Variants in ZNF804B observed in about 807,000 individuals in gnomAD.
ZNF804B encodes the protein zinc finger 804B.
In ZNF804B, 80 loss-of-function variants were observed where a neutral mutation model predicts 101.4. The observed-to-expected ratio is 0.79, with a 90% CI of 0.66 to 0.95. The LOEUF (loss-of-function observed/expected upper bound fraction) is 0.95, where lower values mean the gene tolerates loss of function less well. ZNF804B is among the 40% of genes least tolerant of loss of function. The pLI, the probability that ZNF804B is intolerant of heterozygous loss-of-function variation, is 0.00. For missense variants in ZNF804B, 1,673 were observed against 1,561.9 expected, an observed-to-expected ratio of 1.07 and a Z score of -1.20; for synonymous variants, 622 against 558.8, an observed-to-expected ratio of 1.11 and a Z score of -1.59.
intron 1 of ZNF804B, among the ~76,000 whole-genome samples, chr7:89,133,744 C>T (rs543564279): frequency 2.0e-5 from 3 of 152,036 alleles, no homozygotes; most frequent in Non-Finnish European, 2.9e-5. Context: ...TAATGCACTT[C>T]GGTAATATAA....
chr7:89,207,233 G>A (rs1788727481), intron 1 of ZNF804B, among the ~76,000 whole-genome samples: 1 of 152,140 alleles, frequency 6.6e-6, no homozygotes, highest in African/African-American at 2.4e-5. Context: ...CTATCATGCT[G>A]CTAATAAAGA....
At chr7:88,993,753 G>T (rs1205927880) in intron 1 of ZNF804B, among the ~76,000 whole-genome samples, 1 of 151,874 alleles carries the variant, frequency 6.6e-6, no homozygotes, top group African/African-American at 2.4e-5. Flanking sequence ...TTTGAGAAAA[G>T]CAATGATATT....
chr7:88,852,897 C>G (rs1254537664), intron 1 of ZNF804B, among the ~76,000 whole-genome samples: 2 of 152,094 alleles, frequency 1.3e-5, no homozygotes, highest in African/African-American at 4.8e-5. Flanking sequence ...AAAAACTGCT[C>G]TCTTTTCTTG....
intron 2 of ZNF804B, among the ~76,000 whole-genome samples, chr7:89,233,014 C>T (rs893643198): frequency 7.9e-5 from 12 of 152,218 alleles, no homozygotes; most frequent in Middle Eastern, 3.4e-3. Flanking sequence ...CTCCGCCTCC[C>T]GGGTTCACGC....
At chr7:89,219,866 G>GTA (rs1227951674) in intron 2 of ZNF804B, among the ~76,000 whole-genome samples, 1 of 115,602 alleles carries the variant, frequency 8.7e-6, no homozygotes, top group African/African-American at 3.2e-5. Flanking sequence ...ATATATGTGT[G>GTA]TATATGTAGT....
chr7:89,144,737 G>T (rs1562896390), intron 1 of ZNF804B, among the ~76,000 whole-genome samples: 2 of 152,026 alleles, frequency 1.3e-5, no homozygotes, highest in East Asian at 3.9e-4. Context: ...TAATGAATTT[G>T]TTAATTAGCT....
chr7:88,899,224 C>T (rs1220428728), intron 1 of ZNF804B, among the ~76,000 whole-genome samples: 5 of 151,964 alleles, frequency 3.3e-5, no homozygotes, highest in Non-Finnish European at 7.4e-5. Context: ...AATTTTTTTT[C>T]TTACACTTCT....
At chr7:88,970,059 C>CTCCTTCCTT (rs367636579) in intron 1 of ZNF804B, among the ~76,000 whole-genome samples, 1 of 150,872 alleles carries the variant, frequency 6.6e-6, no homozygotes, top group Non-Finnish European at 1.5e-5. Flanking sequence ...TTTCCCTTTT[C>CTCCTTCCTT]TCCTTCCTTT....
At chr7:89,128,450 G>A (rs1790504198) in intron 1 of ZNF804B, among the ~76,000 whole-genome samples, 1 of 151,942 alleles carries the variant, frequency 6.6e-6, no homozygotes. Context: ...AAAAGTATGT[G>A]AGAATGGCCT....
intron 1 of ZNF804B, among the ~76,000 whole-genome samples, chr7:89,106,124 G>A (rs903189621): frequency 3.3e-5 from 5 of 152,132 alleles, no homozygotes; most frequent in African/African-American, 1.2e-4. Context: ...CAGAGATGGT[G>A]TCAGTACTAT....
chr7:89,335,674 T>C lies in ZNF804B; in HGVS notation c.2692T>C (p.Cys898Arg). 6.2e-7 allele frequency: 1 copy of C among 1,614,056 alleles called. No homozygotes were observed. The highest frequency in any genetic ancestry group is 8.5e-7 in the Non-Finnish European group (1 of 1,179,986). Residue 898 changes from cysteine to arginine, a missense_variant, in exon 4 of 4, where the codon TGC becomes CGC. By Grantham distance (180) the Cys-to-Arg change is radical. Coordinates refer to ENST00000333190, the MANE Select transcript of ZNF804B (RefSeq NM_181646.5). ...PMKCNSGNIS[C>R]LLKNCSSGPS... ...GAAGTGTAACTCCGGGAATATCAGC[T>C]GCCTTCTAAAGAACTGTTCCAGTGG...
intron 2 of ZNF804B, among the ~76,000 whole-genome samples, chr7:89,299,578 CACA>C (rs1171138246): frequency 6.6e-6 from 1 of 151,832 alleles, no homozygotes; most frequent in African/African-American, 2.4e-5. Context: ...GAAAAATATC[CACA>C]ACAACAACAA....
intron 2 of ZNF804B, among the ~76,000 whole-genome samples, chr7:89,302,469 A>G (rs1478103721): frequency 2.0e-5 from 3 of 151,912 alleles, no homozygotes; most frequent in African/African-American, 4.8e-5. Context: ...TGGAATGGCC[A>G]TGTTCAGATC....
intron 1 of ZNF804B, among the ~76,000 whole-genome samples, chr7:89,127,245 C>G (rs189520468): frequency 6.6e-6 from 1 of 151,956 alleles, no homozygotes; most frequent in East Asian, 1.9e-4. Context: ...CAGAAATCAG[C>G]TCTTTAAGAA....
At chr7:89,093,913 T>A (rs1233177214) in intron 1 of ZNF804B, among the ~76,000 whole-genome samples, 1 of 152,226 alleles carries the variant, frequency 6.6e-6, no homozygotes, top group Non-Finnish European at 1.5e-5. Context: ...CCACTCAAAT[T>A]GTTGTGGGAT....
chr7:89,192,324 T>A (rs10233449), intron 1 of ZNF804B, among the ~76,000 whole-genome samples: 85,073 of 151,632 alleles, frequency 0.56, 24,104 homozygotes, highest in Non-Finnish European at 0.6. Flanking sequence ...CCTCCCTGAG[T>A]TCAAAGTACC....
chr7:89,108,138 A>C (rs1790163160), intron 1 of ZNF804B, among the ~76,000 whole-genome samples: 1 of 152,156 alleles, frequency 6.6e-6, no homozygotes. Context: ...TGTAGGCAAA[A>C]ACAACTTAAG....
At chr7:89,253,986 A>G (rs1396592937) in intron 2 of ZNF804B, among the ~76,000 whole-genome samples, 1 of 152,054 alleles carries the variant, frequency 6.6e-6, no homozygotes, top group Admixed American at 6.6e-5. Context: ...AAAGAAGGGA[A>G]CTCCCCTAGC....
intron 2 of ZNF804B, among the ~76,000 whole-genome samples, chr7:89,295,008 C>G (rs1790358916): frequency 6.6e-6 from 1 of 152,038 alleles, no homozygotes; most frequent in Non-Finnish European, 1.5e-5. Context: ...ACTAGTTTTC[C>G]TCAACTGCTT....
Sources: gnomAD v4.1 joint callset for allele counts (sites outside exome capture counted in the v4.1 genomes callset) on GRCh38, gnomAD v4.1.1 for gene constraint, MANE v1.5 for transcripts, NCBI Gene and HGNC (gene_info 2026-07-23, HGNC 2026-07-21) for gene names.